The following C12orf42 variants were observed in gnomAD, a reference collection of about 807,000 sequenced individuals.
C12orf42 encodes the protein uncharacterized protein C12orf42.
C12orf42 carries 25 observed loss-of-function variants against 21.6 expected under a neutral mutation model. The ratio of observed to expected loss-of-function variants is 1.16; its 90% CI spans 0.84 to 1.62. The LOEUF is 1.62. Ranked by LOEUF, C12orf42 falls within the 40% of genes most tolerant of loss-of-function variation. The pLI is 0.00. For missense variants in C12orf42, 483 were observed against 459.3 expected, an observed-to-expected ratio of 1.05 and a Z score of -0.47; for synonymous variants, 174 against 175.0, an observed-to-expected ratio of 0.99 and a Z score of 0.05.
the C12orf42 span, among the ~76,000 whole-genome samples, chr12:103,551,780 A>G: frequency 1.3e-5 from 2 of 151,998 alleles, no homozygotes; most frequent in African/African-American, 2.4e-5. Flanking sequence ...TCTTGCTACT[A>G]TACTCCAGCC....
At chr12:103,255,730 C>T (rs2034528104) in intron 10 of C12orf42, among the ~76,000 whole-genome samples, 1 of 151,842 alleles carries the variant, frequency 6.6e-6, no homozygotes, top group Admixed American at 6.6e-5. Context: ...AAAGTTTCTG[C>T]TTAAATATGT....
the C12orf42 span, among the ~76,000 whole-genome samples, chr12:103,083,413 A>G: frequency 1 from 152,298 of 152,320 alleles, 76,138 homozygotes; most frequent in East Asian, 1. Context: ...TGATGCCCAG[A>G]ATTATTTTTC....
At chr12:103,223,751 T>C in the C12orf42 span, among the ~76,000 whole-genome samples, 3 of 152,098 alleles carry the variant, frequency 2.0e-5, no homozygotes, top group Non-Finnish European at 4.4e-5. Flanking sequence ...TGGGGCCTAA[T>C]AAAAAGGAGC....
At chr12:103,082,533 C>T in the C12orf42 span, among the ~76,000 whole-genome samples, 1 of 152,258 alleles carries the variant, frequency 6.6e-6, no homozygotes, top group South Asian at 2.1e-4. Context: ...TGTTGAACAT[C>T]TACTTTGACC....
chr12:103,336,948 A>G (rs1238444141), intron 4 of C12orf42, among the ~76,000 whole-genome samples: 1 of 152,136 alleles, frequency 6.6e-6, no homozygotes, highest in East Asian at 1.9e-4. Flanking sequence ...TGGGTGTCAA[A>G]CCCAGTTTTA....
the C12orf42 span, among the ~76,000 whole-genome samples, chr12:103,187,777 G>A: frequency 3.6e-4 from 55 of 152,170 alleles, no homozygotes; most frequent in Non-Finnish European, 6.9e-4. Flanking sequence ...TTTTGGGTAA[G>A]ACAATTCACC....
At chr12:103,207,390 T>C in the C12orf42 span, among the ~76,000 whole-genome samples, 7 of 152,238 alleles carry the variant, frequency 4.6e-5, no homozygotes, top group African/African-American at 1.7e-4. Flanking sequence ...TCATGCAATA[T>C]GCTTTTCAGA....
At chr12:103,281,546 C>T (rs183364290) in intron 4 of C12orf42, among the ~76,000 whole-genome samples, 112 of 152,098 alleles carry the variant, frequency 7.4e-4, no homozygotes, top group African/African-American at 2.6e-3. Flanking sequence ...TTAGTAGAGA[C>T]GGGGTTTCAC....
chr12:103,085,526 T>C, the C12orf42 span, among the ~76,000 whole-genome samples: 1 of 151,964 alleles, frequency 6.6e-6, no homozygotes, highest in East Asian at 1.9e-4. Flanking sequence ...GCTGCAAAAT[T>C]ATTCGAATGA....
At chr12:103,347,727 G>A (rs1457211973) in intron 4 of C12orf42, among the ~76,000 whole-genome samples, 2 of 152,048 alleles carry the variant, frequency 1.3e-5, no homozygotes, top group Non-Finnish European at 2.9e-5. Context: ...TGAGAACAAG[G>A]TGGGGAGCCA....
At chr12:103,466,112 A>T (rs1953106510) in intron 2 of C12orf42, among the ~76,000 whole-genome samples, 1 of 152,166 alleles carries the variant, frequency 6.6e-6, no homozygotes, top group Non-Finnish European at 1.5e-5. Flanking sequence ...TGCTGGTCTC[A>T]TAAAATGACT....
chr12:103,350,323 T>C lies in C12orf42; in HGVS notation c.259+18564A>G, dbSNP rs147467470. 3.5e-3 allele frequency among the ~76,000 whole-genome samples: 537 copies of C among 152,292 alleles called. 6 individuals are homozygous for C. Among genetic ancestry groups the C allele is most frequent in the African/African-American group, 0.012 (514 of 41,576 alleles). On this transcript the variant is annotated intron_variant, in intron 4 of 5. Transcript: ENST00000548883. ...CGCACCTGAGAGGTGAATCACCCCT[T>C]TGTCCAGTGTATCCATGCTGCACAT...
chr12:103,068,114 A>C, the C12orf42 span, among the ~76,000 whole-genome samples: 4 of 152,230 alleles, frequency 2.6e-5, no homozygotes, highest in African/African-American at 9.6e-5. Context: ...GGGTAGTAGA[A>C]GAAGGTAGTC....
intron 4 of C12orf42, among the ~76,000 whole-genome samples, chr12:103,340,739 T>C (rs999216854): frequency 6.6e-6 from 1 of 152,004 alleles, no homozygotes; most frequent in African/African-American, 2.4e-5. Context: ...GATCTAGAGA[T>C]GGACACTAGA....
intron 2 of C12orf42, among the ~76,000 whole-genome samples, chr12:103,407,877 G>T (rs141927203): frequency 1.3e-5 from 2 of 152,278 alleles, no homozygotes; most frequent in African/African-American, 4.8e-5. Context: ...CTTTTCAAAG[G>T]TTGAGTTTTG....
chr12:103,315,036 G>A (rs558977560), intron 4 of C12orf42, among the ~76,000 whole-genome samples: 17 of 152,180 alleles, frequency 1.1e-4, no homozygotes, highest in African/African-American at 3.4e-4. Context: ...AAGAACACTG[G>A]ACAAATTTGA....
chr12:103,151,077 G>A, the C12orf42 span, among the ~76,000 whole-genome samples: 2 of 152,140 alleles, frequency 1.3e-5, no homozygotes, highest in East Asian at 3.9e-4. Flanking sequence ...AGAGGTGCAC[G>A]CCACCACGAC....
At chr12:103,529,451 T>C in the C12orf42 span, among the ~76,000 whole-genome samples, 2 of 152,228 alleles carry the variant, frequency 1.3e-5, no homozygotes, top group Non-Finnish European at 2.9e-5. Context: ...TAATGAACTA[T>C]TTCAACAGTG....
the C12orf42 span, among the ~76,000 whole-genome samples, chr12:103,105,604 C>A: frequency 2.0e-5 from 3 of 152,104 alleles, no homozygotes; most frequent in African/African-American, 7.2e-5. Flanking sequence ...AGGCAATATT[C>A]CCATGTAACA....
Sources: gnomAD v4.1 joint callset for allele counts (sites outside exome capture counted in the v4.1 genomes callset) on GRCh38, gnomAD v4.1.1 for gene constraint, MANE v1.5 for transcripts, NCBI Gene and HGNC (gene_info 2026-07-23, HGNC 2026-07-21) for gene names.